The following WWC1 variants were observed in gnomAD, a reference collection of about 807,000 sequenced individuals.
The protein encoded by WWC1 is WW and C2 domain containing 1, also known as protein KIBRA.
A neutral mutation model predicts 138.4 loss-of-function variants in WWC1; 55 were observed. That is an observed-to-expected ratio of 0.40 (90% CI 0.32 to 0.50). The LOEUF (loss-of-function observed/expected upper bound fraction) is 0.50, where lower values mean the gene tolerates loss of function less well. Among genes scored for constraint, WWC1 ranks in the 20% least tolerant of loss-of-function variants. WWC1 has a pLI of 0.72. For synonymous variants in WWC1, 524 were observed against 564.9 expected (o/e 0.93, Z 1.03); for missense variants, 1,226 against 1,420.4 (o/e 0.86, Z 2.20).
At chr5:168,309,514 C>T (rs1048896450) in intron 1 of WWC1, among the ~76,000 whole-genome samples, 1 of 152,176 alleles carries the variant, frequency 6.6e-6, no homozygotes, top group Non-Finnish European at 1.5e-5. Flanking sequence ...TCTCCACAGG[C>T]AGCCCCTATT....
chr5:168,386,377 C>CTTTTTTTTTTTTTTTTTT (rs59691686), intron 3 of WWC1, among the ~76,000 whole-genome samples: 1 of 143,936 alleles, frequency 6.9e-6, no homozygotes, highest in African/African-American at 2.6e-5. Flanking sequence ...TCCCCTTGTT[C>CTTTTTTTTTTTTTTTTTT]TTTTTTTTTT....
intron 1 of WWC1, among the ~76,000 whole-genome samples, chr5:168,371,054 A>G (rs980562020): frequency 2.6e-4 from 40 of 152,214 alleles, no homozygotes; most frequent in Non-Finnish European, 5.4e-4. Context: ...GAAGCCAAGG[A>G]GGGCTGGAGT....
chr5:168,376,814 C>T (rs1474800219), intron 2 of WWC1, among the ~76,000 whole-genome samples: 2 of 152,186 alleles, frequency 1.3e-5, no homozygotes. Context: ...GTTCCGTGCT[C>T]ATGGATTGGA....
rs756122364 is a variant in WWC1, at chr5:168,422,022, G to A, written c.1199G>A (p.Ser400Asn). ...KALTERLKLN[S>N]KRNQLVRELE... ...TCTCCTTCCAGGTTAAAGTTAAACAGTAAGAGGAACCAGCTTGTGAGAGAA... is the reference window on the plus strand; with the variant it reads ...TCTCCTTCCAGGTTAAAGTTAAACAATAAGAGGAACCAGCTTGTGAGAGAA... Residue 400 changes from serine (S) to asparagine (N), a missense_variant, in exon 10 of 23, where the codon AGT (serine) becomes AAT (asparagine). Coordinates refer to ENST00000265293, the MANE Select transcript of WWC1 (RefSeq NM_015238.3). The A allele has an allele frequency of 6.2e-7, 1 of 1,611,446 alleles. No homozygotes were observed. The highest frequency in any genetic ancestry group is 1.1e-5 in the South Asian group (1 of 90,764).
chr5:168,320,196 G>C (rs1417593782), intron 1 of WWC1, among the ~76,000 whole-genome samples: 1 of 152,008 alleles, frequency 6.6e-6, no homozygotes, highest in Non-Finnish European at 1.5e-5. Flanking sequence ...CACCATGCCT[G>C]GCTAATTTTT....
At chr5:168,439,630 CA>C (rs59747531) in intron 15 of WWC1, among the ~76,000 whole-genome samples, 10,456 of 120,668 alleles carry the variant, frequency 0.087, 564 homozygotes, top group East Asian at 0.2. Context: ...AACTCTGTCT[CA>C]AAAAAAAAAA....
chr5:168,433,837 C>G (rs1782129114), intron 15 of WWC1, among the ~76,000 whole-genome samples: 1 of 152,206 alleles, frequency 6.6e-6, no homozygotes, highest in Admixed American at 6.5e-5. Context: ...CACCCCAGCC[C>G]ATTATCTCTA....
intron 15 of WWC1, among the ~76,000 whole-genome samples, chr5:168,438,093 G>C (rs184259244): frequency 3.0e-4 from 46 of 152,274 alleles, no homozygotes; most frequent in African/African-American, 1.1e-3. Flanking sequence ...GATTTTCCCT[G>C]TTTTCCAGAT....
chr5:168,301,636 C>CT (rs1458303855), intron 1 of WWC1, among the ~76,000 whole-genome samples: 1 of 133,590 alleles, frequency 7.5e-6, no homozygotes, highest in Non-Finnish European at 1.6e-5. Context: ...AAAACTTCGT[C>CT]TCAAAAAAAA....
intron 2 of WWC1, among the ~76,000 whole-genome samples, chr5:168,376,685 C>T (rs182918941): frequency 8.2e-6 from 1 of 121,286 alleles, no homozygotes; most frequent in African/African-American, 3.4e-5. Context: ...TTACAGTAGC[C>T]ACACACAAAA....
intron 7 of WWC1, among the ~76,000 whole-genome samples, chr5:168,409,500 C>T (rs1315899955): frequency 6.6e-6 from 1 of 152,164 alleles, no homozygotes; most frequent in Admixed American, 6.5e-5. Context: ...CCCCAACTAC[C>T]CAGTGTTTCA....
In WWC1 at chr5:168,469,145, G is replaced by C. The variant is rs1582412479; in HGVS notation, c.*128G>C. On this transcript the variant is annotated 3_prime_UTR_variant, in exon 23 of 23. Transcript: ENST00000265293. ...CCTCTAGTGCTCTTGTTGGTTTGAA[G>C]ATGAACCGACTTTTTAGTTTGGGTC... The C allele has an allele frequency of 8.9e-7, 1 of 1,120,176 alleles. No individual in the cohort carries two copies. The highest frequency in any genetic ancestry group is 1.3e-6 in the Non-Finnish European group (1 of 771,492). 69.4% of individuals were successfully genotyped at this position (1,120,176 alleles called of 1,614,324 possible).
chr5:168,409,841 A>T, intron 7 of WWC1, 81 bp from the exon 8 acceptor site: 1 of 1,429,384 alleles, frequency 7.0e-7, no homozygotes, highest in Non-Finnish European at 9.9e-7. Context: ...CAAGCTGTCA[A>T]GTCTCTCATG....
At chr5:168,452,863 A>G (rs1197899159) in intron 17 of WWC1, among the ~76,000 whole-genome samples, 1 of 152,008 alleles carries the variant, frequency 6.6e-6, no homozygotes, top group Non-Finnish European at 1.5e-5. Flanking sequence ...CCCTGGGTGC[A>G]TTTAAAGGCA....
chr5:168,457,331 C>G (rs752286495), intron 19 of WWC1, among the ~76,000 whole-genome samples: 3 of 152,106 alleles, frequency 2.0e-5, no homozygotes, highest in Non-Finnish European at 2.9e-5. Flanking sequence ...TGGAGGCTGT[C>G]TGCTGAGATA....
intron 1 of WWC1, among the ~76,000 whole-genome samples, chr5:168,357,750 G>A (rs1775575122): frequency 6.6e-6 from 1 of 152,124 alleles, no homozygotes; most frequent in South Asian, 2.1e-4. Context: ...GGTGTTTCAT[G>A]TTGACTTGCA....
rs529236078 is a variant in WWC1 at position 168,414,483 on chromosome 5, C to G, written c.1077C>G (p.Pro359=). 1.3e-6 allele frequency: 2 copies of G among 1,562,922 alleles called. No individual in the cohort carries two copies. The highest frequency in any genetic ancestry group is 8.7e-7 in the Non-Finnish European group (1 of 1,152,998). The part of the protein sequence containing the change: ...ELLKEMRFIS[P]RKWTQGEVEQ... Reference sequence around the variant, plus strand: ...TGAAGGAGATGCGCTTCATCAGCCCCCGCAAGTGGACCCAGGGGGAGGTGG... The same window carrying G: ...TGAAGGAGATGCGCTTCATCAGCCCGCGCAAGTGGACCCAGGGGGAGGTGG... Residue 359 remains proline, a synonymous_variant, in exon 9 of 23, where the codon CCC becomes CCG. Transcript: ENST00000265293.
chr5:168,374,400 A>G (rs1450336490), intron 2 of WWC1, among the ~76,000 whole-genome samples: 1 of 84,570 alleles, frequency 1.2e-5, no homozygotes, highest in East Asian at 3.4e-4. Context: ...TCTTCCGGGA[A>G]GAAGATCTTG....
chr5:168,401,056 C>T (rs997294230), intron 5 of WWC1, among the ~76,000 whole-genome samples: 1 of 147,716 alleles, frequency 6.8e-6, no homozygotes. Context: ...GAAAGCAAGC[C>T]CTGCAGTCTG....
Sources: allele counts gnomAD v4.1 joint callset (sites outside exome capture counted in the v4.1 genomes callset), GRCh38; gene constraint gnomAD v4.1.1; transcripts MANE v1.5; gene names NCBI Gene and HGNC (gene_info 2026-07-23, HGNC 2026-07-21).